Variants in SDK1 observed in about 807,000 individuals in gnomAD.
SDK1 encodes sidekick cell adhesion molecule 1, also known as protein sidekick-1.
A neutral mutation model predicts 245.5 loss-of-function variants in SDK1; 157 were observed. The ratio of observed to expected loss-of-function variants is 0.64; its 90% confidence interval spans 0.56 to 0.73. The LOEUF is 0.73. SDK1 is among the 30% of genes least tolerant of loss of function. The pLI is 0.00. For synonymous variants in SDK1, 1,647 were observed against 1,278.5 expected (o/e 1.29, Z -6.15); for missense variants, 3,583 against 3,002.3 (o/e 1.19, Z -4.52).
intron 20 of SDK1, among the ~76,000 whole-genome samples, chr7:4,074,917 T>TATA (rs1491485999): frequency 8.3e-3 from 444 of 53,608 alleles, no homozygotes; most frequent in Middle Eastern, 0.013. Context: ...TATATATATA[T>TATA]TTTTTTTTTT....
chr7:3,454,811 G>A (rs940034882), intron 1 of SDK1, among the ~76,000 whole-genome samples: 1 of 152,136 alleles, frequency 6.6e-6, no homozygotes, highest in African/African-American at 2.4e-5. Context: ...GCAGGTTTTT[G>A]TGCAGACATC....
chr7:3,496,219 C>T (rs893320577), intron 1 of SDK1, among the ~76,000 whole-genome samples: 1 of 152,056 alleles, frequency 6.6e-6, no homozygotes, highest in African/African-American at 2.4e-5. Context: ...CGTGGGATCG[C>T]TGGAGGGTCA....
intron 5 of SDK1, among the ~76,000 whole-genome samples, chr7:3,852,746 G>A (rs10244463): frequency 0.011 from 954 of 86,406 alleles, 18 homozygotes; most frequent in African/African-American, 0.05. Context: ...GCAAGACTCC[G>A]TCTCAAAAAA....
At chr7:4,077,744 T>C (rs1404703076) in intron 21 of SDK1, among the ~76,000 whole-genome samples, 1 of 152,130 alleles carries the variant, frequency 6.6e-6, no homozygotes, top group African/African-American at 2.4e-5. Flanking sequence ...GTGAGACTTA[T>C]TCACTATCAT....
Position 4,266,924 on chromosome 7 carries a change from G to T in SDK1, c.*1540G>T. The T allele has an allele frequency of 1.1e-5, 11 of 985,474 alleles. No homozygotes were observed. Among genetic ancestry groups the T allele is most frequent in the Non-Finnish European group, 1.3e-5 (11 of 829,966 alleles). 61.0% of individuals were successfully genotyped at this position (985,474 alleles called of 1,614,324 possible). On this transcript the variant is annotated 3_prime_UTR_variant, in exon 45 of 45. Transcript: ENST00000404826. ...TTCCCCCAGTGACCTGAGGGTAGGG[G>T]ACAACTGAGCAGTATCTGACCAGTG...
intron 1 of SDK1, among the ~76,000 whole-genome samples, chr7:3,426,275 G>A (rs1779673944): frequency 6.6e-6 from 1 of 152,174 alleles, no homozygotes; most frequent in African/African-American, 2.4e-5. Context: ...GGAAGGGACT[G>A]CAGCATGGAA....
chr7:3,571,013 A>G (rs1780097652), intron 1 of SDK1, among the ~76,000 whole-genome samples: 1 of 152,038 alleles, frequency 6.6e-6, no homozygotes, highest in Non-Finnish European at 1.5e-5. Flanking sequence ...TTTCTCACAG[A>G]GCTAATACTT....
chr7:4,263,557 A>G, intron 44 of SDK1, among the ~76,000 whole-genome samples: 1 of 65,130 alleles, frequency 1.5e-5, no homozygotes. Context: ...CTGAGTGGGG[A>G]GGCCGCGTAG....
At chr7:3,443,038 C>T (rs1279001965) in intron 1 of SDK1, among the ~76,000 whole-genome samples, 1 of 149,868 alleles carries the variant, frequency 6.7e-6, no homozygotes, top group East Asian at 1.9e-4. Flanking sequence ...TATCCATATC[C>T]AGCCTGTAAA....
At chr7:3,335,163 A>T (rs538664427) in intron 1 of SDK1, among the ~76,000 whole-genome samples, 1 of 152,198 alleles carries the variant, frequency 6.6e-6, no homozygotes, top group Non-Finnish European at 1.5e-5. Flanking sequence ...TCCAGTTGCC[A>T]GAGTGACATA....
chr7:3,314,164 A>G (rs1345402265), intron 1 of SDK1, among the ~76,000 whole-genome samples: 1 of 151,964 alleles, frequency 6.6e-6, no homozygotes, highest in Admixed American at 6.6e-5. Flanking sequence ...CCTAGCAGGG[A>G]TACATATAGG....
chr7:3,879,073 T>A (rs1475069902), intron 5 of SDK1, among the ~76,000 whole-genome samples: 2 of 152,178 alleles, frequency 1.3e-5, no homozygotes, highest in Non-Finnish European at 2.9e-5. Flanking sequence ...AGGTACCCAG[T>A]TGGTCTCCCC....
intron 1 of SDK1, among the ~76,000 whole-genome samples, chr7:3,455,180 G>C (rs1231706463): frequency 2.0e-5 from 3 of 151,424 alleles, no homozygotes; most frequent in African/African-American, 4.8e-5. Context: ...ATATATTCTA[G>C]ATACTTGTTC....
At chr7:3,720,803 C>A (rs1343169112) in intron 4 of SDK1, among the ~76,000 whole-genome samples, 1 of 152,208 alleles carries the variant, frequency 6.6e-6, no homozygotes, top group Non-Finnish European at 1.5e-5. Context: ...ATGAGTGTTT[C>A]TAGCACCATT....
chr7:3,464,196 G>T (rs538000108), intron 1 of SDK1, among the ~76,000 whole-genome samples: 1 of 152,110 alleles, frequency 6.6e-6, no homozygotes, highest in South Asian at 2.1e-4. Context: ...GCAGTTTTTT[G>T]GGGACAGAGT....
chr7:3,701,554 G>A (rs1327291747), intron 4 of SDK1, among the ~76,000 whole-genome samples: 3 of 152,074 alleles, frequency 2.0e-5, no homozygotes, highest in Non-Finnish European at 2.9e-5. Flanking sequence ...AGCTATGATC[G>A]TGCTACAGTG....
intron 22 of SDK1, among the ~76,000 whole-genome samples, chr7:4,104,914 C>G (rs1782802175): frequency 6.6e-6 from 1 of 151,722 alleles, no homozygotes; most frequent in East Asian, 1.9e-4. Flanking sequence ...CCTCTGTTGC[C>G]CAGGCTGATT....
rs202239316 is a variant in SDK1 at position 3,950,972 on chromosome 7, G to A, written c.897G>A (p.Pro299=). ...ETMAPTIVVP[P]GNRSVVAGSS... is the part of the protein sequence containing the mutation. ...TGGCCCCAACCATTGTGGTTCCCCCGGGCAACAGAAGTGTGGTGGCTGGAT... is the reference window on the plus strand; with the variant it reads ...TGGCCCCAACCATTGTGGTTCCCCCAGGCAACAGAAGTGTGGTGGCTGGAT... Residue 299 remains proline, a synonymous_variant, in exon 6 of 45, where the codon CCG becomes CCA. Coordinates refer to ENST00000404826, the MANE Select transcript of SDK1 (RefSeq NM_152744.4). The A allele has an allele frequency of 1.4e-5, 23 of 1,614,052 alleles. No homozygotes were observed. The highest frequency in any genetic ancestry group is 4.5e-5 in the East Asian group (2 of 44,874).
At chr7:3,623,236 G>A (rs1362963133) in intron 2 of SDK1, among the ~76,000 whole-genome samples, 1 of 141,004 alleles carries the variant, frequency 7.1e-6, no homozygotes, top group Non-Finnish European at 1.5e-5. Flanking sequence ...AATTTCAAGT[G>A]TTGTATTTCT....
Sources: allele counts gnomAD v4.1 joint callset (sites outside exome capture counted in the v4.1 genomes callset), GRCh38; gene constraint gnomAD v4.1.1; transcripts MANE v1.5; gene names NCBI Gene and HGNC (gene_info 2026-07-23, HGNC 2026-07-21).